Variants in KLHL4 observed in about 807,000 individuals in gnomAD.
KLHL4 encodes kelch like family member 4.
A neutral mutation model predicts 45.8 loss-of-function variants in KLHL4; 17 were observed. The ratio of observed to expected loss-of-function variants is 0.37; its 90% confidence interval spans 0.25 to 0.56. The LOEUF (loss-of-function observed/expected upper bound fraction) is 0.56, where lower values mean the gene tolerates loss of function less well. Ranked by LOEUF, KLHL4 falls within the 20% of genes least tolerant of loss-of-function variation. The pLI is 0.79. For synonymous variants in KLHL4, 224 were observed against 189.9 expected (o/e 1.18, Z -1.47); for missense variants, 544 against 544.9 (o/e 1.00, Z 0.02).
At chrX:87,657,341 GC>G (rs1924026109) in intron 9 of KLHL4, among the ~76,000 whole-genome samples, 1 of 112,414 alleles carries the variant, frequency 8.9e-6, no homozygotes, top group African/African-American at 3.2e-5. Flanking sequence ...AGCTGGACCA[GC>G]TGGGGCCACC....
rs146060360 is a variant in KLHL4, at chrX:87,581,692, A to C, written c.423-32185A>C. On this transcript the variant is annotated intron_variant, in intron 1 of 10. Coordinates refer to ENST00000373119, the MANE Select transcript of KLHL4 (RefSeq NM_019117.5). ...ACAAACAACAAAAAAAACCAGAAAAACTCCATCCAAAGGTAAGCAATCTCA... is the reference window on the plus strand; with the variant it reads ...ACAAACAACAAAAAAAACCAGAAAACCTCCATCCAAAGGTAAGCAATCTCA... Among the ~76,000 whole-genome samples, 478 of 111,658 alleles carry C rather than the reference A, an allele frequency of 4.3e-3. 5 individuals are homozygous for C. Among genetic ancestry groups the C allele is most frequent in the African/African-American group, 0.014 (439 of 30,713 alleles).
intron 1 of KLHL4, among the ~76,000 whole-genome samples, chrX:87,567,304 A>AT (rs1932234415): frequency 8.9e-6 from 1 of 111,945 alleles, no homozygotes; most frequent in African/African-American, 3.2e-5. Flanking sequence ...AATAAAAAAA[A>AT]GAAAGTGACA....
intron 9 of KLHL4, among the ~76,000 whole-genome samples, chrX:87,656,379 T>C (rs1923989298): frequency 9.1e-6 from 1 of 110,201 alleles, no homozygotes; most frequent in African/African-American, 3.3e-5. Context: ...GCTCACTTTT[T>C]AATTCTATTT....
rs1374539677 is a variant in KLHL4 at position 87,666,985 on chromosome X, A to G, written c.*451A>G. 1.1e-5 allele frequency: 8 copies of G among 699,354 alleles called. No homozygotes were observed. Among genetic ancestry groups the G allele is most frequent in the Non-Finnish European group, 1.4e-5 (8 of 590,621 alleles). The allele number at this position is 699,354 out of a possible 1,213,427, so 57.6% of individuals were successfully genotyped here. A position where few individuals can be genotyped will look rare whatever the true frequency, so the allele number is the denominator to read the frequency against. On this transcript the variant is annotated 3_prime_UTR_variant, in exon 11 of 11. Coordinates refer to ENST00000373119, the MANE Select transcript of KLHL4 (RefSeq NM_019117.5). Reference sequence around the variant, plus strand: ...AAAGGTAACATCTAAAGCTTAGAATAGTGTGATTTTTAGTAAGCCATTATT... The same window carrying G: ...AAAGGTAACATCTAAAGCTTAGAATGGTGTGATTTTTAGTAAGCCATTATT...
At chrX:87,628,088 CG>C (rs1256096167) in intron 6 of KLHL4, among the ~76,000 whole-genome samples, 1 of 111,478 alleles carries the variant, frequency 9.0e-6, no homozygotes, top group Non-Finnish European at 1.9e-5. Flanking sequence ...GCTCACGGGA[CG>C]TTGCAGACCA....
At chrX:87,576,248 A>G (rs1171008647) in intron 1 of KLHL4, among the ~76,000 whole-genome samples, 2 of 111,638 alleles carry the variant, frequency 1.8e-5, no homozygotes, top group African/African-American at 6.5e-5. Flanking sequence ...TTTCTATTTC[A>G]TGTAGTTTTG....
At chrX:87,636,521 G>A (rs997029884) in intron 9 of KLHL4, among the ~76,000 whole-genome samples, 6 of 111,703 alleles carry the variant, frequency 5.4e-5, no homozygotes, top group Non-Finnish European at 1.1e-4. Context: ...AGGGATAGCC[G>A]TAGCAATGTG....
At chrX:87,580,747 G>C (rs924597585) in intron 1 of KLHL4, among the ~76,000 whole-genome samples, 11 of 112,316 alleles carry the variant, frequency 9.8e-5, no homozygotes, top group African/African-American at 3.5e-4. Flanking sequence ...GAAATAGATA[G>C]CAATACAATT....
intron 1 of KLHL4, among the ~76,000 whole-genome samples, chrX:87,557,922 T>C (rs1231543226): frequency 9.0e-6 from 1 of 111,252 alleles, no homozygotes; most frequent in Non-Finnish European, 1.9e-5. Context: ...ATCCCTTCTA[T>C]TGGTCATTAA....
Position 87,559,529 on chromosome X carries a change from T to C in KLHL4, c.422+41214T>C, listed in dbSNP as rs114730755. 8.0e-3 allele frequency among the ~76,000 whole-genome samples: 893 copies of C among 111,814 alleles called. 2 individuals carry two copies. Among genetic ancestry groups the C allele is most frequent in the African/African-American group, 0.023 (695 of 30,816 alleles). ...ACTATTGTTAAAGAAGGTAAAATAATTCTGACTGCAAGATTTTTGCACTTA... is the reference window on the plus strand; with the variant it reads ...ACTATTGTTAAAGAAGGTAAAATAACTCTGACTGCAAGATTTTTGCACTTA... On this transcript the variant is annotated intron_variant, in intron 1 of 10. Transcript: ENST00000373119.
intron 1 of KLHL4, among the ~76,000 whole-genome samples, chrX:87,590,247 C>T (rs1211041924): frequency 1.8e-5 from 2 of 109,767 alleles, no homozygotes; most frequent in African/African-American, 6.6e-5. Context: ...CTCATGTACC[C>T]CATAAATATA....
chrX:87,555,503 C>T lies in KLHL4; in HGVS notation c.422+37188C>T, dbSNP rs1255893646. The stretch of plus-strand genomic sequence containing the variant: ...TCTTCTAGATTTTGTAGTTTATTTG[C>T]ATAGAGGTGTTTGTAGTATTCTCTG... On this transcript the variant is annotated intron_variant, in intron 1 of 10. Transcript: ENST00000373119. Among the ~76,000 whole-genome samples the T allele has an allele frequency of 3.6e-5, 4 of 110,164 alleles. No homozygotes were observed. In the East Asian group the frequency reaches 8.6e-4, roughly 24 times the overall value.
chrX:87,636,348 A>C (rs1389662639), intron 9 of KLHL4, among the ~76,000 whole-genome samples: 1 of 111,912 alleles, frequency 8.9e-6, no homozygotes, highest in African/African-American at 3.3e-5. Flanking sequence ...TTGGGGAAAA[A>C]ATGGCAGATA....
At chrX:87,647,309 C>T (rs761828479) in intron 9 of KLHL4, among the ~76,000 whole-genome samples, 22 of 111,626 alleles carry the variant, frequency 2.0e-4, no homozygotes, top group Non-Finnish European at 4.0e-4. Flanking sequence ...AGTACAACCA[C>T]TATGGAAAAC....
chrX:87,587,052 C>G (rs1488055724), intron 1 of KLHL4, among the ~76,000 whole-genome samples: 1 of 105,737 alleles, frequency 9.5e-6, no homozygotes, highest in Non-Finnish European at 1.9e-5. Context: ...ATACATAAAA[C>G]CTACCAAGAT....
chrX:87,633,975 A>T, intron 8 of KLHL4, 64 bp downstream of exon 8: 1 of 923,000 alleles, frequency 1.1e-6, no homozygotes, highest in Non-Finnish European at 1.5e-6. Context: ...CTTCGGTGAC[A>T]TGATCCATCC....
intron 1 of KLHL4, among the ~76,000 whole-genome samples, chrX:87,590,723 G>T (rs774510744): frequency 2.7e-5 from 3 of 111,806 alleles, no homozygotes; most frequent in African/African-American, 9.7e-5. Flanking sequence ...AGGGTGCCAA[G>T]AATACATAAT....
intron 1 of KLHL4, among the ~76,000 whole-genome samples, chrX:87,520,796 C>T (rs1459590396): frequency 9.0e-6 from 1 of 111,700 alleles, no homozygotes; most frequent in Non-Finnish European, 1.9e-5. Flanking sequence ...AGCATTCCAA[C>T]AAAAAGAACA....
At chrX:87,644,021 C>T (rs993328837) in intron 9 of KLHL4, among the ~76,000 whole-genome samples, 1 of 111,298 alleles carries the variant, frequency 9.0e-6, no homozygotes, top group African/African-American at 3.3e-5. Context: ...CTGCACTCCT[C>T]TTCAACATGG....
Sources: gnomAD v4.1 joint callset for allele counts (sites outside exome capture counted in the v4.1 genomes callset) on GRCh38, gnomAD v4.1.1 for gene constraint, MANE v1.5 for transcripts, NCBI Gene and HGNC (gene_info 2026-07-23, HGNC 2026-07-21) for gene names.